Variants in PPP1R37 observed in about 807,000 individuals in gnomAD.
PPP1R37 encodes the protein protein phosphatase 1 regulatory subunit 37.
Under a neutral mutation model 61.0 loss-of-function variants are expected in PPP1R37, and 21 were observed. The ratio of observed to expected loss-of-function variants is 0.34; its 90% CI spans 0.24 to 0.50. The LOEUF is 0.50. Among genes scored for constraint, PPP1R37 ranks in the 20% least tolerant of loss-of-function variants. The pLI is 0.98. For synonymous variants in PPP1R37, 443 were observed against 433.5 expected, an observed-to-expected ratio of 1.02 and a Z score of -0.27; for missense variants, 910 against 952.7, an observed-to-expected ratio of 0.96 and a Z score of 0.59.
intron 9 of PPP1R37, 32 bp from the exon 10 acceptor site, chr19:45,145,062 G>A: frequency 6.6e-7 from 1 of 1,524,686 alleles, no homozygotes; most frequent in South Asian, 1.2e-5. Flanking sequence ...CGGGTGTGGG[G>A]CCCGTGGCCA....
rs183083802 is a variant in PPP1R37 at position 45,099,197 on chromosome 19, C to T, written c.202+5670C>T. On this transcript the variant is annotated intron_variant, in intron 1 of 12. Coordinates refer to ENST00000221462, the MANE Select transcript of PPP1R37 (RefSeq NM_019121.2). ...CTCCTCTTTCCCCTATAGTGTCCCA[C>T]GTCAGCGTCCCTGCTTTCCCTCAGA... is the stretch of plus-strand genomic sequence containing the variant. 2.8e-3 allele frequency among the ~76,000 whole-genome samples: 420 copies of T among 152,320 alleles called. 2 individuals carry two copies. The highest frequency in any genetic ancestry group is 0.024 in the South Asian group (118 of 4,828).
Position 45,146,008 on chromosome 19 carries a change from C to T in PPP1R37, c.1952C>T (p.Pro651Leu), listed in dbSNP as rs907389337. The change falls in exon 11 of 13, where the codon CCG (proline) becomes CTG (leucine). Residue 651 changes from proline to leucine, a missense_variant. Pro to Leu is a moderately conservative substitution (Grantham distance 98). Coordinates refer to ENST00000221462, the MANE Select transcript of PPP1R37 (RefSeq NM_019121.2). ...FALALPPEPP[P>L]GPEVKGGSCG... The stretch of plus-strand genomic sequence containing the variant: ...CTGGCACTGCCCCCTGAGCCGCCCC[C>T]GGGGCCTGAGGTCAAGGGGGGCAGC... The T allele has an allele frequency of 8.5e-5, 130 of 1,532,960 alleles. No homozygotes were observed. The East Asian group carries it at 1.7e-3, about 20-fold the overall frequency. 95.0% of individuals were successfully genotyped at this position (1,532,960 alleles called of 1,614,324 possible).
At chr19:45,107,686 T>C (rs1968150105) in intron 1 of PPP1R37, among the ~76,000 whole-genome samples, 1 of 152,216 alleles carries the variant, frequency 6.6e-6, no homozygotes, top group Non-Finnish European at 1.5e-5. Context: ...GATGCAGGAC[T>C]TCTCAGCTGA....
chr19:45,133,923 T>C (rs1159634958), intron 1 of PPP1R37, among the ~76,000 whole-genome samples: 1 of 152,234 alleles, frequency 6.6e-6, no homozygotes, highest in African/African-American at 2.4e-5. Context: ...ACTGAGGAAC[T>C]GGGTGTGAAA....
Position 45,101,528 on chromosome 19 carries a change from G to A in PPP1R37, c.202+8001G>A, listed in dbSNP as rs116077808. Among the ~76,000 whole-genome samples, 240 of 152,300 alleles carry A rather than the reference G, an allele frequency of 1.6e-3. 1 individual carries two copies. Among genetic ancestry groups the A allele is most frequent in the African/African-American group, 4.8e-3 (199 of 41,546 alleles). ...AGCCCAGGAGTTTAAGACCAGCCTT[G>A]GCAACATGACGAGACCTTGTCTCTA... On this transcript the variant is annotated intron_variant, in intron 1 of 12. Transcript: ENST00000221462.
intron 1 of PPP1R37, among the ~76,000 whole-genome samples, chr19:45,116,938 A>G (rs1451579401): frequency 7.3e-6 from 1 of 136,426 alleles, no homozygotes; most frequent in Non-Finnish European, 1.6e-5. Context: ...TTTGAGACAG[A>G]GTTTCGCTCT....
intron 1 of PPP1R37, among the ~76,000 whole-genome samples, chr19:45,109,270 G>A (rs1476330408): frequency 6.6e-6 from 1 of 152,214 alleles, no homozygotes; most frequent in African/African-American, 2.4e-5. Context: ...CTAAAGAGAA[G>A]CACTTTCTCC....
At chr19:45,138,420 A>T in intron 1 of PPP1R37, 94 bp from the exon 2 acceptor site, 1 of 814,026 alleles carries the variant, frequency 1.2e-6, no homozygotes, top group Non-Finnish European at 2.0e-6. Context: ...TGAAGAGGGC[A>T]GTATGGGCAG....
At chr19:45,141,984 C>A in intron 5 of PPP1R37, 77 bp from the exon 6 acceptor site, 1 of 1,069,230 alleles carries the variant, frequency 9.4e-7, no homozygotes, top group Non-Finnish European at 1.3e-6. Context: ...CCAGGGAGTG[C>A]TGGGGCGGTC....
intron 1 of PPP1R37, among the ~76,000 whole-genome samples, chr19:45,126,557 CTT>C (rs142718817): frequency 0.035 from 5,349 of 152,268 alleles, 317 homozygotes; most frequent in African/African-American, 0.12. Flanking sequence ...CCAGGTGTGA[CTT>C]TATTGCACCC....
intron 1 of PPP1R37, among the ~76,000 whole-genome samples, chr19:45,094,080 G>A (rs1012111704): frequency 2.0e-5 from 3 of 152,234 alleles, no homozygotes; most frequent in Non-Finnish European, 4.4e-5. Flanking sequence ...TCAAGATAAG[G>A]TCCCAGAAGA....
At chr19:45,143,773 C>T in intron 8 of PPP1R37, 140 bp downstream of exon 8, 1 of 547,310 alleles carries the variant, frequency 1.8e-6, no homozygotes, top group Non-Finnish European at 3.3e-6. Flanking sequence ...CTCAGCCCCA[C>T]CTGCTTCCTC....
chr19:45,128,476 A>G, intron 1 of PPP1R37: 6 of 699,200 alleles, frequency 8.6e-6, no homozygotes, highest in Non-Finnish European at 1.4e-5. Flanking sequence ...AGGCAGCGGC[A>G]GCAGCAGGCC....
Position 45,145,938 on chromosome 19 carries a change from C to G in PPP1R37, c.1882C>G (p.Arg628Gly). 5.2e-6 allele frequency: 8 copies of G among 1,534,824 alleles called. No individual in the cohort carries two copies. Among genetic ancestry groups the G allele is most frequent in the Non-Finnish European group, 7.0e-6 (8 of 1,146,490 alleles). ...SEPQPPPEPP[R>G]SGPPLPNGLK... ...GCCTCAGCCACCACCGGAGCCGCCT[C>G]GGTCAGGGCCACCACTGCCCAACGG... is the stretch of plus-strand genomic sequence containing the variant. Residue 628 changes from arginine (R) to glycine (G), a missense_variant, in exon 11 of 13, where the codon CGG becomes GGG. Around this residue, in one of 3 missense-constraint regions of PPP1R37, gnomAD observed 549 missense variants for 505.1 expected, o/e 1.09. Coordinates refer to ENST00000221462, the MANE Select transcript of PPP1R37 (RefSeq NM_019121.2).
chr19:45,120,748 G>A (rs1048447191), intron 1 of PPP1R37, among the ~76,000 whole-genome samples: 14 of 152,128 alleles, frequency 9.2e-5, no homozygotes, highest in Admixed American at 4.6e-4. Context: ...AAGTAGCTGG[G>A]ATTATAGGCA....
Position 45,093,425 on chromosome 19 carries a change from C to T in PPP1R37, c.100C>T (p.Pro34Ser). 1 of 1,534,880 alleles carries T rather than the reference C, an allele frequency of 6.5e-7. No homozygotes were observed. The highest frequency in any genetic ancestry group is 8.7e-7 in the Non-Finnish European group (1 of 1,146,430). Residue 34 changes from proline to serine, a missense_variant, in exon 1 of 13, where the codon CCC (proline) becomes TCC (serine). Physicochemically the swap from Pro to Ser is moderately conservative, Grantham distance 74. Coordinates refer to ENST00000221462, the MANE Select transcript of PPP1R37 (RefSeq NM_019121.2). Reference sequence around the variant, plus strand: ...CGGGTCTCCCAGCCCCGCGTCGCCCCCCGCCGATGGGCGCCTCAAGGCTGC... The same window carrying T: ...CGGGTCTCCCAGCCCCGCGTCGCCCTCCGCCGATGGGCGCCTCAAGGCTGC... ...EAGSPSPASP[P>S]ADGRLKAAAK...
At chr19:45,111,258 A>AATG (rs564790173) in intron 1 of PPP1R37, among the ~76,000 whole-genome samples, 100 of 149,342 alleles carry the variant, frequency 6.7e-4, no homozygotes, top group African/African-American at 2.2e-3. Flanking sequence ...TCTGCTTTTT[A>AATG]ATTATTATTA....
chr19:45,135,172 A>T (rs1968523442), intron 1 of PPP1R37, among the ~76,000 whole-genome samples: 1 of 152,094 alleles, frequency 6.6e-6, no homozygotes, highest in African/African-American at 2.4e-5. Context: ...CGCTTGAACC[A>T]GGGAGGTAGA....
At chr19:45,144,755 C>T in intron 8 of PPP1R37, 99 bp from the exon 9 acceptor site, 1 of 1,061,174 alleles carries the variant, frequency 9.4e-7, no homozygotes, top group Non-Finnish European at 1.3e-6. Flanking sequence ...AAAGGAGCGC[C>T]CGGGCCTGGC....
Sources: gnomAD v4.1 joint callset for allele counts (sites outside exome capture counted in the v4.1 genomes callset) on GRCh38, gnomAD v4.1.1 for gene constraint, gnomAD v4.1.1 regional missense constraint, MANE v1.5 for transcripts, NCBI Gene and HGNC (gene_info 2026-07-23, HGNC 2026-07-21) for gene names.